STAM2: variants seen among roughly 807,000 people sequenced by gnomAD.
STAM2 encodes signal transducing adaptor molecule 2.
STAM2 carries 51 observed loss-of-function variants against 65.6 expected under a neutral mutation model. That is an observed-to-expected ratio of 0.78 (90% CI 0.62 to 0.98). STAM2 has a LOEUF of 0.98. STAM2 is among the 50% of genes least tolerant of loss of function. STAM2 has a pLI of 0.00. For synonymous variants in STAM2, 198 were observed against 208.4 expected (o/e 0.95, Z 0.43); for missense variants, 584 against 617.8 (o/e 0.95, Z 0.58).
chr2:152,126,024 T>C (rs1688958607), intron 12 of STAM2: 1 of 422,300 alleles, frequency 2.4e-6, no homozygotes, highest in Admixed American at 4.1e-5. Flanking sequence ...TGAACTAAAA[T>C]GTATTTGTGA....
intron 11 of STAM2, among the ~76,000 whole-genome samples, chr2:152,127,119 T>C (rs971264813): frequency 1.3e-5 from 2 of 152,206 alleles, no homozygotes; most frequent in African/African-American, 4.8e-5. Flanking sequence ...CTTGAGCTGC[T>C]GCTCAGGCCC....
intron 1 of STAM2, among the ~76,000 whole-genome samples, chr2:152,153,743 TA>T (rs1560219815): frequency 6.6e-6 from 1 of 152,186 alleles, no homozygotes; most frequent in African/African-American, 2.4e-5. Flanking sequence ...TTTAGAGGCT[TA>T]AAAGGCTTAA....
chr2:152,148,523 A>T (rs1372426984), intron 2 of STAM2, among the ~76,000 whole-genome samples: 1 of 152,202 alleles, frequency 6.6e-6, no homozygotes, highest in African/African-American at 2.4e-5. Context: ...CTTAAAAATT[A>T]GCTGGGCATG....
intron 1 of STAM2, among the ~76,000 whole-genome samples, chr2:152,164,475 C>A (rs192529099): frequency 6.6e-4 from 101 of 152,102 alleles, no homozygotes; most frequent in African/African-American, 2.4e-3. Flanking sequence ...CTTGAGTAGC[C>A]GGGATTACAG....
At chr2:152,159,983 G>A (rs1021246530) in intron 1 of STAM2, among the ~76,000 whole-genome samples, 13 of 152,210 alleles carry the variant, frequency 8.5e-5, no homozygotes, top group African/African-American at 1.9e-4. Flanking sequence ...TGCCAGCCTC[G>A]GCCTCCCGAG....
chr2:152,145,368 C>G (rs1689319352), intron 5 of STAM2, among the ~76,000 whole-genome samples: 2 of 152,130 alleles, frequency 1.3e-5, no homozygotes, highest in Non-Finnish European at 2.9e-5. Flanking sequence ...CATCACTGGT[C>G]TAAAAGTGAA....
At position 152,150,359 on chromosome 2, in the gene STAM2, G is replaced by C. The variant is rs551349061; in HGVS notation, c.41-130C>G. 6 of 528,500 alleles carry C rather than the reference G, an allele frequency of 1.1e-5. No homozygotes were observed. The South Asian group carries it at 1.8e-4, about 16-fold the overall frequency. The allele number at this position is 528,500 out of a possible 1,614,324, so 32.7% of individuals were successfully genotyped here. A position where few individuals can be genotyped will look rare whatever the true frequency, so the allele number is the denominator to read the frequency against. ...AAGATACTACAGACGACCTTCAGAA[G>C]ACAAAAGTACTTCTACTAACTTCAA... On this transcript the variant is annotated intron_variant, in intron 1 of 13. Transcript: ENST00000263904.
At chr2:152,132,069 A>G in intron 11 of STAM2, 45 bp downstream of exon 11, 1 of 1,410,882 alleles carries the variant, frequency 7.1e-7, no homozygotes, top group Non-Finnish European at 9.9e-7. Context: ...AACACAAGTG[A>G]ACCCCCCAAA....
intron 4 of STAM2, among the ~76,000 whole-genome samples, chr2:152,147,804 C>G (rs529399498): frequency 6.6e-6 from 1 of 152,230 alleles, no homozygotes; most frequent in East Asian, 1.9e-4. Context: ...TACTTACTAG[C>G]CCTCAAAAAG....
At chr2:152,157,681 T>C (rs1689579006) in intron 1 of STAM2, among the ~76,000 whole-genome samples, 1 of 152,232 alleles carries the variant, frequency 6.6e-6, no homozygotes. Flanking sequence ...GGTATTGTTA[T>C]GGCAGCCCAA....
chr2:152,136,053 G>A (rs1460627379), intron 7 of STAM2, among the ~76,000 whole-genome samples: 1 of 143,850 alleles, frequency 7.0e-6, no homozygotes, highest in Non-Finnish European at 1.5e-5. Context: ...TGGCACCACT[G>A]CACTCCAGCC....
intron 1 of STAM2, among the ~76,000 whole-genome samples, chr2:152,172,532 A>C (rs1409205996): frequency 6.6e-6 from 1 of 152,140 alleles, no homozygotes; most frequent in Non-Finnish European, 1.5e-5. Context: ...ATCATACATT[A>C]GCAAAAGGTG....
chr2:152,130,038 T>C (rs1689029761), intron 11 of STAM2, among the ~76,000 whole-genome samples: 1 of 152,198 alleles, frequency 6.6e-6, no homozygotes, highest in Non-Finnish European at 1.5e-5. Flanking sequence ...TCCTATCTAA[T>C]CTTTTCTTCT....
At position 152,144,887 on chromosome 2, in the gene STAM2, C is replaced by T; in HGVS notation, c.517+1G>A. 6.2e-7 allele frequency: 1 copy of T among 1,613,102 alleles called. No individual in the cohort carries two copies. Among genetic ancestry groups the T allele is most frequent in the African/African-American group, 1.3e-5 (1 of 74,996 alleles). On this transcript the variant is annotated splice_donor_variant, in intron 6 of 13. Transcript: ENST00000263904. LOFTEE classifies it high-confidence loss of function. ...TAAATTACATGTGCTTGATCATTTA[C>T]CTTTAGCTATGTCTTCATCCTCTTT...
Position 152,133,431 on chromosome 2 carries a change from A to G in STAM2, c.853T>C (p.Ser285Pro). 6.2e-7 allele frequency: 1 copy of G among 1,612,952 alleles called. No homozygotes were observed. Among genetic ancestry groups the G allele is most frequent in the Non-Finnish European group, 8.5e-7 (1 of 1,179,344 alleles). Residue 285 changes from serine to proline, a missense_variant, in exon 9 of 14, where the codon TCA (serine) becomes CCA (proline). Coordinates refer to ENST00000263904, the MANE Select transcript of STAM2 (RefSeq NM_005843.6). ...IDDDVEEIKK[S>P]EPEPVYIDED... Reference sequence around the variant, plus strand: ...TCTATATAAACAGGCTCAGGCTCTGATTTCTTAATTTCCTCCACATCATCA... The same window carrying G: ...TCTATATAAACAGGCTCAGGCTCTGGTTTCTTAATTTCCTCCACATCATCA...
At chr2:152,156,561 T>C (rs1689552995) in intron 1 of STAM2, among the ~76,000 whole-genome samples, 1 of 152,148 alleles carries the variant, frequency 6.6e-6, no homozygotes. Context: ...GTGTAAGTCA[T>C]AACATTTCAT....
At chr2:152,138,956 G>T (rs1015168115) in intron 7 of STAM2, among the ~76,000 whole-genome samples, 1 of 152,046 alleles carries the variant, frequency 6.6e-6, no homozygotes, top group Non-Finnish European at 1.5e-5. Flanking sequence ...ACCAATATAG[G>T]ATAATTTTCC....
At chr2:152,174,113 A>G (rs1052940455) in intron 1 of STAM2, among the ~76,000 whole-genome samples, 1 of 152,136 alleles carries the variant, frequency 6.6e-6, no homozygotes, top group African/African-American at 2.4e-5. Context: ...CAGAACAGAC[A>G]GAGCAACTCT....
In STAM2 at chr2:152,149,942, G is replaced by A. The variant is rs1157988065; in HGVS notation, c.125+203C>T. On this transcript the variant is annotated intron_variant, in intron 2 of 13. Transcript: ENST00000263904. ...ATGTTGTTAAGGAAATCATGAGTTGGAGGAAGAGGGGTTGGTCTTGCTGTC... is the reference window on the plus strand; with the variant it reads ...ATGTTGTTAAGGAAATCATGAGTTGAAGGAAGAGGGGTTGGTCTTGCTGTC... Among the ~76,000 whole-genome samples, 2 of 152,202 alleles carry A rather than the reference G, an allele frequency of 1.3e-5. 1 individual carries two copies. The highest frequency in any genetic ancestry group is 4.1e-4 in the South Asian group (2 of 4,836).
Sources: allele counts gnomAD v4.1 joint callset (sites outside exome capture counted in the v4.1 genomes callset), GRCh38; gene constraint gnomAD v4.1.1; transcripts MANE v1.5; gene names NCBI Gene and HGNC (gene_info 2026-07-23, HGNC 2026-07-21).